Variants in TMEM154 observed in about 807,000 individuals in gnomAD.
The protein encoded by TMEM154 is transmembrane protein 154.
TMEM154 carries 27 observed loss-of-function variants against 24.5 expected under a neutral mutation model. The observed-to-expected ratio is 1.10, with a 90% CI of 0.81 to 1.52. The LOEUF is 1.52. Ranked by LOEUF, TMEM154 falls within the 40% of genes most tolerant of loss-of-function variation. The pLI is 0.00. For missense variants in TMEM154, 228 were observed against 213.4 expected, an observed-to-expected ratio of 1.07 and a Z score of -0.43; for synonymous variants, 67 against 76.8, an observed-to-expected ratio of 0.87 and a Z score of 0.67.
chr4:152,640,374 G>C (rs1382089110), intron 6 of TMEM154, among the ~76,000 whole-genome samples: 1 of 151,996 alleles, frequency 6.6e-6, no homozygotes, highest in African/African-American at 2.4e-5. Flanking sequence ...CCCCAAATGT[G>C]GTCATTTCTA....
chr4:152,658,635 A>C (rs898708199), intron 1 of TMEM154, among the ~76,000 whole-genome samples: 1 of 151,900 alleles, frequency 6.6e-6, no homozygotes, highest in Non-Finnish European at 1.5e-5. Flanking sequence ...AAAAATACAA[A>C]ATTTTTAGCT....
chr4:152,649,255 G>T (rs1197930980), intron 3 of TMEM154, among the ~76,000 whole-genome samples: 16 of 152,194 alleles, frequency 1.1e-4, no homozygotes, highest in Non-Finnish European at 1.8e-4. Flanking sequence ...CCTATCCTTT[G>T]AGTAACTTTT....
At chr4:152,673,887 A>C (rs547726386) in intron 1 of TMEM154, among the ~76,000 whole-genome samples, 1 of 152,142 alleles carries the variant, frequency 6.6e-6, no homozygotes, top group South Asian at 2.1e-4. Flanking sequence ...TTTTGACTGC[A>C]CATTTGTGAG....
intron 6 of TMEM154, 81 bp from the exon 7 acceptor site, chr4:152,628,642 T>C (rs1047087563): frequency 3.4e-5 from 40 of 1,175,882 alleles, no homozygotes; most frequent in Middle Eastern, 3.5e-4. Context: ...TTCTTTCTTT[T>C]TTTTTTTTTT....
At chr4:152,656,692 C>G (rs561097555) in intron 1 of TMEM154, among the ~76,000 whole-genome samples, 42 of 151,782 alleles carry the variant, frequency 2.8e-4, no homozygotes, top group African/African-American at 9.4e-4. Flanking sequence ...GAGGCTGAGG[C>G]AGGTGGATCA....
chr4:152,644,152 A>G (rs953503516), intron 4 of TMEM154, among the ~76,000 whole-genome samples: 1 of 152,210 alleles, frequency 6.6e-6, no homozygotes, highest in Non-Finnish European at 1.5e-5. Flanking sequence ...TGAAATTGGT[A>G]GCAGTCAGGA....
chr4:152,636,171 G>C (rs1260022124), intron 6 of TMEM154, among the ~76,000 whole-genome samples: 1 of 152,196 alleles, frequency 6.6e-6, no homozygotes, highest in Non-Finnish European at 1.5e-5. Flanking sequence ...GGCAATAAGG[G>C]AGTGTGTTTT....
At chr4:152,643,639 T>A (rs1213669035) in intron 4 of TMEM154, among the ~76,000 whole-genome samples, 1 of 152,236 alleles carries the variant, frequency 6.6e-6, no homozygotes, top group East Asian at 1.9e-4. Context: ...TTCCCAGGCC[T>A]TTCTCTCTTG....
intron 1 of TMEM154, chr4:152,666,662 G>A (rs1338720995): frequency 6.6e-6 from 1 of 152,256 alleles, no homozygotes. Context: ...CTCTTCAGTT[G>A]ATCTCTTTTT....
intron 6 of TMEM154, among the ~76,000 whole-genome samples, chr4:152,629,020 ATC>A (rs1751981175): frequency 5.3e-5 from 8 of 152,092 alleles, no homozygotes; most frequent in South Asian, 2.1e-4. Context: ...ATCACAAACC[ATC>A]AGGAAGCCAA....
rs191705622 is a variant in TMEM154, at chr4:152,642,139, G to A, written c.478+949C>T. Among the ~76,000 whole-genome samples the A allele has an allele frequency of 8.6e-5, 13 of 151,638 alleles. No individual in the cohort carries two copies. The East Asian group carries it at 1.2e-3, about 14-fold the overall frequency. ...TCACCATGTTGGCCAGGCTGGTTTC[G>A]AACTCCTGACCTCAGGTTATCCACC... On this transcript the variant is annotated intron_variant, in intron 5 of 6. Transcript: ENST00000304385.
intron 1 of TMEM154, among the ~76,000 whole-genome samples, chr4:152,665,082 A>G (rs1034480728): frequency 1.3e-5 from 2 of 152,218 alleles, no homozygotes; most frequent in African/African-American, 4.8e-5. Flanking sequence ...CAGTTACATC[A>G]AAATACCTGA....
chr4:152,642,469 A>G (rs768985525), intron 5 of TMEM154, among the ~76,000 whole-genome samples: 15 of 152,212 alleles, frequency 9.9e-5, no homozygotes, highest in Non-Finnish European at 2.2e-4. Flanking sequence ...AGGAACATAT[A>G]CTTCCATTAC....
chr4:152,649,967 T>G (rs984557436), intron 3 of TMEM154, among the ~76,000 whole-genome samples: 4 of 152,246 alleles, frequency 2.6e-5, no homozygotes, highest in African/African-American at 7.2e-5. Flanking sequence ...AGACAATGTA[T>G]ATACCTTAAT....
intron 1 of TMEM154, among the ~76,000 whole-genome samples, chr4:152,679,024 G>T (rs146294140): frequency 6.6e-6 from 1 of 152,330 alleles, no homozygotes; most frequent in East Asian, 1.9e-4. Flanking sequence ...GAAGCAGTCG[G>T]TGTTCATTGA....
rs1728604680 is a variant in TMEM154 at position 152,661,327 on chromosome 4, TC to T, written c.65-8401del. On this transcript the variant is annotated intron_variant, in intron 1 of 6. Transcript: ENST00000304385. ...CTCTCTCTCTCTCTCTCTCTCTCTC[TC>T]TCTCTCTCTCTCTCCCCCCAACTCT... 4.6e-4 allele frequency among the ~76,000 whole-genome samples: 60 copies of T among 130,830 alleles called. 1 individual carries two copies. The highest frequency in any genetic ancestry group is 1.4e-3 in the African/African-American group (50 of 35,788). 85.8% of individuals were successfully genotyped at this position (130,830 alleles called of 152,430 possible). A position where few individuals can be genotyped will look rare whatever the true frequency, so the allele number is the denominator to read the frequency against.
intron 5 of TMEM154, among the ~76,000 whole-genome samples, chr4:152,641,671 T>C (rs1752257553): frequency 6.6e-6 from 1 of 150,750 alleles, no homozygotes; most frequent in African/African-American, 2.4e-5. Context: ...CTTTTTTTTT[T>C]TTTTTTTTGC....
At chr4:152,651,104 C>G (rs542659419) in intron 3 of TMEM154, among the ~76,000 whole-genome samples, 1 of 152,176 alleles carries the variant, frequency 6.6e-6, no homozygotes, top group South Asian at 2.1e-4. Context: ...TAGCTTCTAA[C>G]AGGAGAGTCA....
chr4:152,641,253 C>T (rs1388779574), intron 5 of TMEM154: 3 of 392,234 alleles, frequency 7.6e-6, no homozygotes, highest in Non-Finnish European at 1.4e-5. Context: ...TCTGTCCCTG[C>T]AGCACCCCAG....
Sources: gnomAD v4.1 joint callset for allele counts (sites outside exome capture counted in the v4.1 genomes callset) on GRCh38, gnomAD v4.1.1 for gene constraint, MANE v1.5 for transcripts, NCBI Gene and HGNC (gene_info 2026-07-23, HGNC 2026-07-21) for gene names.